The following PCDHGB2 variants were observed in gnomAD, a reference collection of about 807,000 sequenced individuals.
PCDHGB2 encodes protocadherin gamma-B2.
A neutral mutation model predicts 59.3 loss-of-function variants in PCDHGB2; 55 were observed. That is an observed-to-expected ratio of 0.93 (90% CI 0.75 to 1.16). The LOEUF is 1.16. Among genes scored for constraint, PCDHGB2 ranks in the 50% most tolerant of loss-of-function variants. The pLI is 0.00. For synonymous variants in PCDHGB2, 516 were observed against 512.0 expected (o/e 1.01, Z -0.11); for missense variants, 1,228 against 1,198.5 (o/e 1.02, Z -0.36).
chr5:141,360,579 A>G lies in PCDHGB2; in HGVS notation c.444A>G (p.Pro148=), dbSNP rs761569852. The part of the protein sequence containing the change: ...INLKIGESTK[P]GTTFPLDPAL... ...TAAAAATTGGCGAATCCACTAAGCC[A>G]GGTACAACATTTCCACTTGACCCAG... Residue 148 remains proline (P), a synonymous_variant, in exon 1 of 4, where the codon CCA becomes CCG. Transcript: ENST00000522605. 6.2e-7 allele frequency: 1 copy of G among 1,614,014 alleles called. No homozygotes were observed. The highest frequency in any genetic ancestry group is 8.5e-7 in the Non-Finnish European group (1 of 1,179,898).
intron 1 of PCDHGB2, chr5:141,376,853 A>C (rs188570810): frequency 0.022 from 4,983 of 229,694 alleles, 85 homozygotes; most frequent in East Asian, 0.036. Flanking sequence ...CGCCCGGCTA[A>C]TTTTTTTGTA....
chr5:141,366,052 C>A (rs1237553025), intron 1 of PCDHGB2: 2 of 1,614,248 alleles, frequency 1.2e-6, no homozygotes, highest in Admixed American at 1.7e-5. Context: ...GTTCCACGGG[C>A]GTGGAGCTGG....
intron 3 of PCDHGB2, among the ~76,000 whole-genome samples, chr5:141,510,329 A>G (rs1433056614): frequency 6.7e-6 from 1 of 150,230 alleles, no homozygotes; most frequent in South Asian, 2.1e-4. Context: ...AGCACTCTTC[A>G]CCCCCACCCC....
At chr5:141,458,090 G>C (rs1306631184) in intron 1 of PCDHGB2, among the ~76,000 whole-genome samples, 2 of 152,234 alleles carry the variant, frequency 1.3e-5, no homozygotes, top group Non-Finnish European at 1.5e-5. Context: ...CGTAAGTTAA[G>C]AGTACTTACA....
intron 1 of PCDHGB2, chr5:141,371,152 A>G (rs1767538477): frequency 9.3e-6 from 15 of 1,614,060 alleles, no homozygotes; most frequent in Non-Finnish European, 1.2e-5. Context: ...AATGTTGCAG[A>G]GAACCTGCCC....
chr5:141,481,183 G>A (rs2099533234), intron 1 of PCDHGB2, among the ~76,000 whole-genome samples: 1 of 152,146 alleles, frequency 6.6e-6, no homozygotes, highest in African/African-American at 2.4e-5. Flanking sequence ...GCTTTATTGG[G>A]CCAGGCCCAA....
At chr5:141,394,799 A>G in intron 1 of PCDHGB2, 5 of 1,613,808 alleles carry the variant, frequency 3.1e-6, no homozygotes, top group Admixed American at 1.7e-5. Context: ...CGCTCACCGT[A>G]GCCGTGGCTG....
chr5:141,423,573 C>G, intron 1 of PCDHGB2: 1 of 1,613,488 alleles, frequency 6.2e-7, no homozygotes, highest in South Asian at 1.1e-5. Context: ...CGCTCATCAG[C>G]CAGGAGAGCT....
intron 1 of PCDHGB2, among the ~76,000 whole-genome samples, chr5:141,438,745 T>C (rs1004731034): frequency 4.7e-5 from 7 of 147,392 alleles, no homozygotes; most frequent in Non-Finnish European, 1.0e-4. Flanking sequence ...CACTGCAACC[T>C]CTGCCTCCTG....
Position 141,383,049 on chromosome 5 carries a change from G to C in PCDHGB2, c.2421+20493G>C, listed in dbSNP as rs779106714. 2.0e-5 allele frequency: 32 copies of C among 1,613,788 alleles called. No homozygotes were observed. Among genetic ancestry groups the C allele is most frequent in the Non-Finnish European group, 2.7e-5 (32 of 1,179,922 alleles). ...GGTCCTTTGTGGGAGACATCGCCAAGGACCTGGGGCTGGAGCCCCGGGAGC... is the reference window on the plus strand; with the variant it reads ...GGTCCTTTGTGGGAGACATCGCCAACGACCTGGGGCTGGAGCCCCGGGAGC... On this transcript the variant is annotated intron_variant, in intron 1 of 3. Coordinates refer to ENST00000522605, the MANE Select transcript of PCDHGB2 (RefSeq NM_018923.3).
chr5:141,467,781 C>G (rs2099151581), intron 1 of PCDHGB2, among the ~76,000 whole-genome samples: 1 of 152,228 alleles, frequency 6.6e-6, no homozygotes, highest in East Asian at 1.9e-4. Context: ...ACCTCAGCCT[C>G]TCAAGTAGCT....
chr5:141,370,171 C>T (rs1008611247), intron 1 of PCDHGB2: 18 of 460,518 alleles, frequency 3.9e-5, no homozygotes, highest in Middle Eastern at 5.5e-4. Flanking sequence ...GCAGAGGCGC[C>T]GGGTGCCGCT....
chr5:141,376,868 T>G, intron 1 of PCDHGB2: 1 of 220,664 alleles, frequency 4.5e-6, no homozygotes, highest in East Asian at 1.2e-4. Flanking sequence ...TTTGTATTTT[T>G]AGTAGAGACG....
chr5:141,462,078 C>T (rs2154567608), intron 1 of PCDHGB2, among the ~76,000 whole-genome samples: 1 of 152,304 alleles, frequency 6.6e-6, no homozygotes, highest in East Asian at 1.9e-4. Flanking sequence ...CCGCCTTGGC[C>T]TCCCAAAATG....
At position 141,361,816 on chromosome 5, in the gene PCDHGB2, C is replaced by T. The variant is rs770591894; in HGVS notation, c.1681C>T (p.Arg561Trp). The change falls in exon 1 of 4, where the codon CGG (arginine) becomes TGG (tryptophan). Residue 561 changes from arginine (R) to tryptophan (W), a missense_variant. By Grantham distance (101) the Arg-to-Trp change is moderately radical. Coordinates refer to ENST00000522605, the MANE Select transcript of PCDHGB2 (RefSeq NM_018923.3). ...LVGDLNDNAP[R>W]VLYPALGPDG... ...GGGCGACCTCAATGACAATGCGCCA[C>T]GGGTGCTGTACCCCGCGCTGGGGCC... is the stretch of plus-strand genomic sequence containing the variant. The T allele has an allele frequency of 1.9e-6, 3 of 1,613,084 alleles. No homozygotes were observed. Among genetic ancestry groups the T allele is most frequent in the Admixed American group, 3.3e-5 (2 of 60,028 alleles).
intron 1 of PCDHGB2, chr5:141,398,592 A>G: frequency 6.2e-7 from 1 of 1,614,068 alleles, no homozygotes; most frequent in South Asian, 1.1e-5. Flanking sequence ...TTATACTAGA[A>G]GTAGCAGAAG....
rs917165100 is a variant in PCDHGB2, at chr5:141,442,878, C to T, written c.2422-51929C>T. Among the ~76,000 whole-genome samples, 6 of 152,178 alleles carry T rather than the reference C, an allele frequency of 3.9e-5. No homozygotes were observed. In the South Asian group the frequency reaches 8.3e-4, roughly 21 times the overall value. The stretch of plus-strand genomic sequence containing the variant: ...GTATGAGAGATGTAAATTTACAACT[C>T]AGAATCCCTGCTTATCACTTCTCCT... On this transcript the variant is annotated intron_variant, in intron 1 of 3. Coordinates refer to ENST00000522605, the MANE Select transcript of PCDHGB2 (RefSeq NM_018923.3).
Position 141,490,509 on chromosome 5 carries a change from G to A in PCDHGB2, c.2422-4298G>A. 6.2e-7 allele frequency: 1 copy of A among 1,614,072 alleles called. No individual in the cohort carries two copies. On this transcript the variant is annotated intron_variant, in intron 1 of 3. Transcript: ENST00000522605. The surrounding 1 kb of genome is among the most constrained non-coding windows in gnomAD (Gnocchi z 5.4). ...AGGCCACATCCCACTATATCATCGA[G>A]CTGCTGGCCAGCGATGCTGGTTCAC...
chr5:141,381,817 TTTC>T (rs1262770842), intron 1 of PCDHGB2, among the ~76,000 whole-genome samples: 8 of 136,196 alleles, frequency 5.9e-5, no homozygotes, highest in African/African-American at 2.1e-4. Context: ...TCTTTCTTTC[TTTC>T]TTCTTCTTTT....
Sources: gnomAD v4.1 joint callset for allele counts (sites outside exome capture counted in the v4.1 genomes callset) on GRCh38, gnomAD v4.1.1 for gene constraint, Gnocchi (gnomAD v3.1) non-coding constraint, MANE v1.5 for transcripts, NCBI Gene and HGNC (gene_info 2026-07-23, HGNC 2026-07-21) for gene names.